Variants in AARS1 observed in about 807,000 individuals in gnomAD.
AARS1 encodes alanine--tRNA ligase, cytoplasmic.
Under a neutral mutation model 108.9 loss-of-function variants are expected in AARS1, and 72 were observed. That is an observed-to-expected ratio of 0.66 (90% CI 0.55 to 0.80). The LOEUF is 0.80. AARS1 is among the 30% of genes least tolerant of loss of function. AARS1 has a pLI of 0.00. For synonymous variants in AARS1, 489 were observed against 465.7 expected (o/e 1.05, Z -0.64); for missense variants, 1,193 against 1,233.2 (o/e 0.97, Z 0.49).
At chr16:70,257,110 G>A (rs1426410809) in intron 15 of AARS1, among the ~76,000 whole-genome samples, 4 of 152,090 alleles carry the variant, frequency 2.6e-5, no homozygotes, top group Admixed American at 6.6e-5. Flanking sequence ...TTAGCTGGGC[G>A]TGGTGGTGTG....
intron 13 of AARS1, among the ~76,000 whole-genome samples, chr16:70,260,183 G>A (rs1340428922): frequency 6.6e-6 from 1 of 152,204 alleles, no homozygotes; most frequent in Non-Finnish European, 1.5e-5. Context: ...CATGTGGTCA[G>A]CAAAGCCAAA....
intron 4 of AARS1, among the ~76,000 whole-genome samples, chr16:70,272,891 C>CTG (rs753395151): frequency 3.5e-5 from 4 of 112,980 alleles, no homozygotes; most frequent in Admixed American, 3.5e-4. Flanking sequence ...GCCTGGGTGA[C>CTG]ACACACACAC....
At chr16:70,275,303 T>A (rs556070625) in intron 4 of AARS1, among the ~76,000 whole-genome samples, 1 of 151,312 alleles carries the variant, frequency 6.6e-6, no homozygotes, top group South Asian at 2.1e-4. Flanking sequence ...ATTGAACATA[T>A]TAAGAAGCAA....
At chr16:70,283,703 G>A (rs1960767255) in intron 1 of AARS1, among the ~76,000 whole-genome samples, 1 of 152,148 alleles carries the variant, frequency 6.6e-6, no homozygotes, top group Non-Finnish European at 1.5e-5. Flanking sequence ...TCCTGGGGAT[G>A]GGCCTATCTG....
At chr16:70,255,193 C>T (rs977784040) in intron 16 of AARS1, among the ~76,000 whole-genome samples, 3 of 124,740 alleles carry the variant, frequency 2.4e-5, no homozygotes, top group Non-Finnish European at 5.0e-5. Context: ...GCCAGATTCA[C>T]ATTTTTTTTT....
At chr16:70,287,422 G>T (rs1396500848) in intron 1 of AARS1, among the ~76,000 whole-genome samples, 1 of 150,610 alleles carries the variant, frequency 6.6e-6, no homozygotes, top group Non-Finnish European at 1.5e-5. Flanking sequence ...AGCGAGACCT[G>T]TTTCAACTTT....
At chr16:70,278,110 G>T (rs1000978755) in intron 2 of AARS1, among the ~76,000 whole-genome samples, 5 of 152,088 alleles carry the variant, frequency 3.3e-5, no homozygotes, top group African/African-American at 1.2e-4. Flanking sequence ...TGGGCAAGGT[G>T]GCTCACACCT....
Position 70,259,200 on chromosome 16 carries a change from AGGG to A in AARS1, c.1786-17_1786-15del. On this transcript the variant is annotated splice_polypyrimidine_tract_variant and intron_variant, in intron 13 of 20. Transcript: ENST00000261772. The stretch of plus-strand genomic sequence containing the variant: ...TCTTCGTCGGGGCTGGAAAGGGCAG[AGGG>A]GCTCATGGAGAGGTCTGTAATAGAC... 6.2e-7 allele frequency: 1 copy of A among 1,612,378 alleles called. No homozygotes were observed. The highest frequency in any genetic ancestry group is 8.5e-7 in the Non-Finnish European group (1 of 1,178,854).
At chr16:70,270,919 C>T (rs374777341) in intron 5 of AARS1, among the ~76,000 whole-genome samples, 2 of 150,080 alleles carry the variant, frequency 1.3e-5, no homozygotes, top group African/African-American at 2.5e-5. Flanking sequence ...GAGGCCGAGG[C>T]GGGGGAATCA....
At chr16:70,278,921 C>T (rs954890697) in intron 2 of AARS1, among the ~76,000 whole-genome samples, 2 of 152,164 alleles carry the variant, frequency 1.3e-5, no homozygotes, top group African/African-American at 4.8e-5. Flanking sequence ...GCATGGACAA[C>T]TGACTTGAGA....
At chr16:70,272,603 C>T (rs1383258336) in intron 4 of AARS1, among the ~76,000 whole-genome samples, 1 of 142,868 alleles carries the variant, frequency 7.0e-6, no homozygotes, top group African/African-American at 2.6e-5. Flanking sequence ...ACAAAATATA[C>T]ACATGATATG....
At chr16:70,269,358 A>AAAAAAAC (rs1960342110) in intron 7 of AARS1, among the ~76,000 whole-genome samples, 2 of 136,056 alleles carry the variant, frequency 1.5e-5, no homozygotes, top group Admixed American at 7.5e-5. Flanking sequence ...AAAAAAAAAA[A>AAAAAAAC]AACAACCGTC....
At position 70,262,450 on chromosome 16, in the gene AARS1, G is replaced by C. The variant is rs1342720064; in HGVS notation, c.1567C>G (p.Gln523Glu). ...TTGTCCAGCACCACTCCACACTCCTGGCCTGTGGACACCTCTTCCACGAAC... is the reference window on the plus strand; with the variant it reads ...TTGTCCAGCACCACTCCACACTCCTCGCCTGTGGACACCTCTTCCACGAAC... ...KMFVEEVSTGQECGVVLDKTC... is the reference protein window; with the variant it reads ...KMFVEEVSTGEECGVVLDKTC... Residue 523 changes from glutamine to glutamate, a missense_variant, in exon 12 of 21, where the codon CAG (glutamine) becomes GAG (glutamate). Physicochemically the swap from Gln to Glu is conservative, Grantham distance 29. Coordinates refer to ENST00000261772, the MANE Select transcript of AARS1 (RefSeq NM_001605.3). 2 of 1,614,144 alleles carry C rather than the reference G, an allele frequency of 1.2e-6. No individual in the cohort carries two copies. The highest frequency in any genetic ancestry group is 1.7e-6 in the Non-Finnish European group (2 of 1,180,026).
rs141006014 is a variant in AARS1 at position 70,286,520 on chromosome 16, C to A, written c.-22+2901G>T. 4.5e-3 allele frequency among the ~76,000 whole-genome samples: 678 copies of A among 152,210 alleles called. 3 individuals carry two copies. The highest frequency in any genetic ancestry group is 0.024 in the South Asian group (114 of 4,820). On this transcript the variant is annotated intron_variant, in intron 1 of 20. Transcript: ENST00000261772. Reference sequence around the variant, plus strand: ...GGACTACAGGCATGTGCCACCAAACCCGACTAATTTTTTTGTATTTAAAAA... The same window carrying A: ...GGACTACAGGCATGTGCCACCAAACACGACTAATTTTTTTGTATTTAAAAA...
intron 15 of AARS1, 147 bp downstream of exon 15, chr16:70,257,886 G>A (rs1048484771): frequency 3.2e-5 from 27 of 842,886 alleles, no homozygotes; most frequent in Non-Finnish European, 3.1e-5. Flanking sequence ...CTAGGATGCT[G>A]AGATTCTTGG....
intron 19 of AARS1, 107 bp from the exon 20 acceptor site, chr16:70,253,488 G>A: frequency 9.0e-7 from 1 of 1,109,106 alleles, no homozygotes; most frequent in Non-Finnish European, 1.3e-6. Context: ...CCCCTTCCCA[G>A]AGCAGGGGCT....
At chr16:70,283,189 G>T (rs754855812) in intron 1 of AARS1, among the ~76,000 whole-genome samples, 18 of 152,084 alleles carry the variant, frequency 1.2e-4, no homozygotes, top group Non-Finnish European at 2.5e-4. Context: ...ACAAGGTCAG[G>T]AGTTCAAGAC....
intron 13 of AARS1, among the ~76,000 whole-genome samples, chr16:70,259,618 G>A (rs1041657688): frequency 6.6e-5 from 10 of 151,876 alleles, no homozygotes; most frequent in African/African-American, 2.4e-4. Context: ...AAGTAGCTGG[G>A]ACTACAGGCA....
chr16:70,265,097 T>C lies in AARS1; in HGVS notation c.1353A>G (p.Lys451=). ...FEEERKLAQL[K]SQGKGAGGED... ...CCCCACCAGCTCCCTTGCCCTGTGA[T>C]TTCAGCTGTCAGCAAGAGAAACAAG... is the stretch of plus-strand genomic sequence containing the variant. Residue 451 remains lysine, a synonymous_variant, in exon 11 of 21, where the codon AAA becomes AAG. Transcript: ENST00000261772. The C allele has an allele frequency of 6.2e-7, 1 of 1,614,116 alleles. No individual in the cohort carries two copies.
Sources: gnomAD v4.1 joint callset for allele counts (sites outside exome capture counted in the v4.1 genomes callset) on GRCh38, gnomAD v4.1.1 for gene constraint, MANE v1.5 for transcripts, NCBI Gene and HGNC (gene_info 2026-07-23, HGNC 2026-07-21) for gene names.